The following HDGFL3 variants were observed in gnomAD, a reference collection of about 807,000 sequenced individuals.
HDGFL3 encodes the protein HDGF like 3, also known as hepatoma-derived growth factor-related protein 3.
HDGFL3 carries 6 observed loss-of-function variants against 27.6 expected under a neutral mutation model. The observed-to-expected ratio is 0.22, with a 90% CI of 0.12 to 0.43. The LOEUF (loss-of-function observed/expected upper bound fraction) is 0.43. HDGFL3 is among the 20% of genes least tolerant of loss of function. The pLI is 1.00. For synonymous variants in HDGFL3, 88 were observed against 88.9 expected, an observed-to-expected ratio of 0.99 and a Z score of 0.05; for missense variants, 207 against 250.1, an observed-to-expected ratio of 0.83 and a Z score of 1.16.
chr15:83,136,382 G>A lies in HDGFL3; in HGVS notation c.*2888C>T. On this transcript the variant is annotated 3_prime_UTR_variant, in exon 6 of 6. Coordinates refer to ENST00000299633, the MANE Select transcript of HDGFL3 (RefSeq NM_016073.4). ...GCCTGCAGGTGAGACTGGTTTTGAG[G>A]GCACAGAAACGTAGCCTGAATGAAC... 1 of 1,018,184 alleles carries A rather than the reference G, an allele frequency of 9.8e-7. No individual in the cohort carries two copies. Among genetic ancestry groups the A allele is most frequent in the South Asian group, 2.3e-5 (1 of 44,066 alleles). 63.1% of individuals were successfully genotyped at this position (1,018,184 alleles called of 1,614,324 possible). A position where few individuals can be genotyped will look rare whatever the true frequency, so the allele number is the denominator to read the frequency against.
chr15:83,148,583 CTG>C (rs2036928200), intron 5 of HDGFL3, among the ~76,000 whole-genome samples: 1 of 150,920 alleles, frequency 6.6e-6, no homozygotes, highest in Admixed American at 6.6e-5. Flanking sequence ...GATCGCACCA[CTG>C]TACTCCAGCC....
At chr15:83,143,458 T>C (rs2036823439) in intron 5 of HDGFL3, among the ~76,000 whole-genome samples, 1 of 151,974 alleles carries the variant, frequency 6.6e-6, no homozygotes, top group Non-Finnish European at 1.5e-5. Flanking sequence ...GGCACGTGCC[T>C]GCAATCCCAG....
At chr15:83,161,300 G>A (rs2037098462) in intron 2 of HDGFL3, among the ~76,000 whole-genome samples, 1 of 152,168 alleles carries the variant, frequency 6.6e-6, no homozygotes, top group African/African-American at 2.4e-5. Context: ...CTCCTGAGTA[G>A]CTAGGACTAC....
intron 1 of HDGFL3, among the ~76,000 whole-genome samples, chr15:83,167,110 A>C (rs1473445259): frequency 6.6e-6 from 1 of 152,236 alleles, no homozygotes; most frequent in African/African-American, 2.4e-5. Context: ...CTTATCTGTC[A>C]CCTGTCTTCC....
chr15:83,172,823 A>AC (rs2037262525), intron 1 of HDGFL3, among the ~76,000 whole-genome samples: 1 of 135,056 alleles, frequency 7.4e-6, no homozygotes, highest in Non-Finnish European at 1.6e-5. Context: ...ACTCCAGCTC[A>AC]AAAAAAAAAA....
rs2036271231 is a variant in HDGFL3 at position 83,131,776 on chromosome 15, T to C, written c.*7494A>G. The C allele has an allele frequency of 6.6e-6, 1 of 152,220 alleles. No individual in the cohort carries two copies. The highest frequency in any genetic ancestry group is 2.1e-4 in the South Asian group (1 of 4,826). 9.4% of individuals were successfully genotyped at this position (152,220 alleles called of 1,614,324 possible). A position where few individuals can be genotyped will look rare whatever the true frequency, so the allele number is the denominator to read the frequency against. On this transcript the variant is annotated 3_prime_UTR_variant, in exon 6 of 6. Coordinates refer to ENST00000299633, the MANE Select transcript of HDGFL3 (RefSeq NM_016073.4). ...GAATAAAATGAAACCAGGACACATT[T>C]TAGACCAAAGAGTTCCACTGGGGAC...
chr15:83,143,241 A>G (rs1272024116), intron 5 of HDGFL3, among the ~76,000 whole-genome samples: 2 of 152,060 alleles, frequency 1.3e-5, no homozygotes, highest in African/African-American at 4.8e-5. Context: ...TGAACTCCTG[A>G]CCTCAGGTGA....
chr15:83,170,707 A>C (rs893014441), intron 1 of HDGFL3, among the ~76,000 whole-genome samples: 1 of 152,176 alleles, frequency 6.6e-6, no homozygotes, highest in Non-Finnish European at 1.5e-5. Context: ...AGCACAAACA[A>C]AAACTGACCA....
downstream of HDGFL3, chr15:83,122,975 A>G: frequency 1.4e-6 from 2 of 1,407,728 alleles, no homozygotes; most frequent in Non-Finnish European, 1.9e-6. Flanking sequence ...TGTGGACTGG[A>G]GCATTTGGGG....
At chr15:83,163,414 G>C (rs1567170325) in intron 2 of HDGFL3, among the ~76,000 whole-genome samples, 1 of 152,106 alleles carries the variant, frequency 6.6e-6, no homozygotes, top group South Asian at 2.1e-4. Flanking sequence ...CCGGTCCCTA[G>C]GGCAAAGTAG....
Position 83,133,248 on chromosome 15 carries a change from T to C in HDGFL3, c.*6022A>G, listed in dbSNP as rs1264642502. On this transcript the variant is annotated 3_prime_UTR_variant, in exon 6 of 6. Coordinates refer to ENST00000299633, the MANE Select transcript of HDGFL3 (RefSeq NM_016073.4). ...AGATAACACAGTTCTAGATTAGCTA[T>C]TTATACTGTATTAGCAAAAGACCCT... is the stretch of plus-strand genomic sequence containing the variant. 6.6e-6 allele frequency: 1 copy of C among 152,244 alleles called. No individual in the cohort carries two copies. Among genetic ancestry groups the C allele is most frequent in the Admixed American group, 6.5e-5 (1 of 15,286 alleles). 9.4% of individuals were successfully genotyped at this position (152,244 alleles called of 1,614,324 possible).
intron 1 of HDGFL3, among the ~76,000 whole-genome samples, chr15:83,170,861 A>G (rs2037236726): frequency 1.3e-5 from 2 of 151,338 alleles, no homozygotes; most frequent in South Asian, 4.2e-4. Context: ...TAAGGAATTT[A>G]AAGAATTCAA....
intron 5 of HDGFL3, among the ~76,000 whole-genome samples, chr15:83,146,356 G>A (rs1162892702): frequency 6.6e-6 from 1 of 152,180 alleles, no homozygotes; most frequent in Non-Finnish European, 1.5e-5. Flanking sequence ...GATGTAGACA[G>A]TGCTCGTACA....
intron 1 of HDGFL3, among the ~76,000 whole-genome samples, chr15:83,169,908 G>A (rs1344474584): frequency 6.6e-6 from 1 of 152,116 alleles, no homozygotes; most frequent in African/African-American, 2.4e-5. Context: ...AAAATCAGTA[G>A]CACTTCTATA....
chr15:83,191,577 G>T (rs1163290498), intron 1 of HDGFL3, among the ~76,000 whole-genome samples: 1 of 152,112 alleles, frequency 6.6e-6, no homozygotes, highest in East Asian at 1.9e-4. Context: ...ATATAAAATT[G>T]TAAGTTTAAG....
chr15:83,205,488 A>C (rs778028315), intron 1 of HDGFL3, among the ~76,000 whole-genome samples: 1 of 152,180 alleles, frequency 6.6e-6, no homozygotes, highest in Non-Finnish European at 1.5e-5. Context: ...TTTATGTACA[A>C]TTAGATATAC....
intron 1 of HDGFL3, among the ~76,000 whole-genome samples, chr15:83,188,271 T>G (rs1479995259): frequency 2.0e-5 from 3 of 152,198 alleles, no homozygotes; most frequent in Admixed American, 2.0e-4. Context: ...TTTAATTTTT[T>G]GAGACAGGGT....
chr15:83,179,850 T>C (rs1418826975), intron 1 of HDGFL3: 1 of 152,216 alleles, frequency 6.6e-6, no homozygotes, highest in Non-Finnish European at 1.5e-5. Flanking sequence ...GACAAAATGG[T>C]AGGTGCATAA....
At chr15:83,197,335 G>C (rs2037583509) in intron 1 of HDGFL3, among the ~76,000 whole-genome samples, 1 of 152,106 alleles carries the variant, frequency 6.6e-6, no homozygotes, top group African/African-American at 2.4e-5. Context: ...TTTTATGTGA[G>C]TCAGTGAGCC....
Sources: gnomAD v4.1 joint callset for allele counts (sites outside exome capture counted in the v4.1 genomes callset) on GRCh38, gnomAD v4.1.1 for gene constraint, MANE v1.5 for transcripts, NCBI Gene and HGNC (gene_info 2026-07-23, HGNC 2026-07-21) for gene names.